Variants in EYA2 observed in about 807,000 individuals in gnomAD.
EYA2 encodes the protein EYA transcriptional coactivator and phosphatase 2.
Under a neutral mutation model 69.2 loss-of-function variants are expected in EYA2, and 31 were observed. The ratio of observed to expected loss-of-function variants is 0.45; its 90% CI spans 0.34 to 0.60. EYA2 has a LOEUF of 0.60. Among genes scored for constraint, EYA2 ranks in the 20% least tolerant of loss-of-function variants. The probability of loss-of-function intolerance (pLI) is 0.02; values close to 1 mark genes in which losing one functional copy is unlikely to be tolerated. For synonymous variants in EYA2, 257 were observed against 279.4 expected (o/e 0.92, Z 0.80); for missense variants, 622 against 701.2 (o/e 0.89, Z 1.28).
chr20:47,125,297 C>T (rs1600726503), intron 9 of EYA2, among the ~76,000 whole-genome samples: 3 of 151,866 alleles, frequency 2.0e-5, no homozygotes, highest in Non-Finnish European at 2.9e-5. Flanking sequence ...CCTCGTGATC[C>T]GCCCGCCTCG....
chr20:46,935,616 C>G (rs1465601285), intron 1 of EYA2, among the ~76,000 whole-genome samples: 5 of 152,056 alleles, frequency 3.3e-5, no homozygotes, highest in African/African-American at 1.2e-4. Context: ...ATGACGTCAC[C>G]TCTCTGTGCC....
In EYA2 at chr20:47,001,943, T is replaced by C. The variant is rs545311908; in HGVS notation, c.155+470T>C. On this transcript the variant is annotated intron_variant, in intron 3 of 15. Coordinates refer to ENST00000327619, the MANE Select transcript of EYA2 (RefSeq NM_005244.5). The stretch of plus-strand genomic sequence containing the variant: ...TTTTCAATCTCCCTTCTATTTTTTT[T>C]TTCTCCGAGACAGAGTCTTGCTCTG... Among the ~76,000 whole-genome samples, 4 of 151,876 alleles carry C rather than the reference T, an allele frequency of 2.6e-5. No homozygotes were observed. In the East Asian group the frequency reaches 7.7e-4, roughly 29 times the overall value.
chr20:47,050,563 T>C (rs1025189625), intron 5 of EYA2, among the ~76,000 whole-genome samples: 1 of 152,158 alleles, frequency 6.6e-6, no homozygotes, highest in Admixed American at 6.5e-5. Flanking sequence ...AAAGCCAAGG[T>C]CCGCAGCTGC....
At chr20:47,153,736 A>G (rs2146617559) in intron 10 of EYA2, among the ~76,000 whole-genome samples, 1 of 152,062 alleles carries the variant, frequency 6.6e-6, no homozygotes, top group Non-Finnish European at 1.5e-5. Context: ...ATGAAGGAGC[A>G]TGGCTGTATC....
intron 5 of EYA2, among the ~76,000 whole-genome samples, chr20:47,062,732 G>A (rs1223176930): frequency 6.6e-6 from 1 of 152,190 alleles, no homozygotes; most frequent in Non-Finnish European, 1.5e-5. Context: ...GCCTTCTGCG[G>A]TGAATCTCAG....
chr20:46,959,112 C>T (rs558798305), intron 1 of EYA2, among the ~76,000 whole-genome samples: 21 of 152,318 alleles, frequency 1.4e-4, no homozygotes, highest in African/African-American at 4.6e-4. Context: ...TTTGAGGAAT[C>T]GCCACACTGT....
At chr20:47,124,355 T>C (rs1436920605) in intron 9 of EYA2, among the ~76,000 whole-genome samples, 1 of 152,222 alleles carries the variant, frequency 6.6e-6, no homozygotes, top group African/African-American at 2.4e-5. Flanking sequence ...GAGTCACTTA[T>C]GTCAAGGGTG....
chr20:47,170,155 A>C (rs983202237), intron 11 of EYA2, among the ~76,000 whole-genome samples: 1 of 150,796 alleles, frequency 6.6e-6, no homozygotes, highest in African/African-American at 2.4e-5. Flanking sequence ...TGATCTACCC[A>C]CCTCAGCCTC....
At chr20:47,046,305 T>C (rs2030035418) in intron 5 of EYA2, among the ~76,000 whole-genome samples, 1 of 152,234 alleles carries the variant, frequency 6.6e-6, no homozygotes, top group Admixed American at 6.5e-5. Context: ...GAATTAGCTT[T>C]CAACATGTGA....
chr20:47,015,446 T>C (rs1191154343), intron 4 of EYA2, among the ~76,000 whole-genome samples: 1 of 151,908 alleles, frequency 6.6e-6, no homozygotes, highest in Non-Finnish European at 1.5e-5. Flanking sequence ...GATTGGAGAG[T>C]GTCTTACAGT....
chr20:47,002,244 AG>A (rs1289360741), intron 3 of EYA2, among the ~76,000 whole-genome samples: 2 of 151,616 alleles, frequency 1.3e-5, no homozygotes, highest in East Asian at 1.9e-4. Context: ...CAGAACATGC[AG>A]GTTTGTTACA....
intron 1 of EYA2, among the ~76,000 whole-genome samples, chr20:46,934,775 A>T (rs923413692): frequency 3.3e-5 from 5 of 152,218 alleles, no homozygotes; most frequent in Admixed American, 6.5e-5. Context: ...AGAGAACAGC[A>T]TGAGCAAAGG....
intron 1 of EYA2, among the ~76,000 whole-genome samples, chr20:46,977,065 TTA>T (rs948911810): frequency 6.6e-6 from 1 of 152,228 alleles, no homozygotes; most frequent in African/African-American, 2.4e-5. Flanking sequence ...TATTTTATTA[TTA>T]GAGTGAAAAA....
intron 9 of EYA2, among the ~76,000 whole-genome samples, chr20:47,108,218 A>G (rs1343113420): frequency 6.6e-6 from 1 of 152,170 alleles, no homozygotes; most frequent in African/African-American, 2.4e-5. Context: ...TGGATCCTGG[A>G]GGTGGATCCC....
chr20:46,894,871 G>GCAGCGGCAACGGCAGAGA lies in EYA2; in HGVS notation c.-122_-105dup, dbSNP rs1184630710. Reference sequence around the variant, plus strand: ...AGCCGCGGCAGCCCAGGAGGCGGAGGCAGCGGCAACGGCAGAGACAGCAAC... The same window carrying GCAGCGGCAACGGCAGAGA: ...AGCCGCGGCAGCCCAGGAGGCGGAGGCAGCGGCAACGGCAGAGACAGCGGCAACGGCAGAGACAGCAAC... On this transcript the variant is annotated 5_prime_UTR_variant, in exon 1 of 16. Coordinates refer to ENST00000327619, the MANE Select transcript of EYA2 (RefSeq NM_005244.5). The GCAGCGGCAACGGCAGAGA allele has an allele frequency of 6.6e-6, 1 of 151,192 alleles. No individual in the cohort carries two copies. Among genetic ancestry groups the GCAGCGGCAACGGCAGAGA allele is most frequent in the Non-Finnish European group, 1.5e-5 (1 of 67,786 alleles). The allele number at this position is 151,192 out of a possible 1,614,324, so 9.4% of individuals were successfully genotyped here.
intron 9 of EYA2, among the ~76,000 whole-genome samples, chr20:47,120,120 A>G (rs960441850): frequency 3.3e-5 from 5 of 152,180 alleles, no homozygotes; most frequent in Non-Finnish European, 7.4e-5. Flanking sequence ...AGGCAGAAGA[A>G]TTGTTTGAAT....
intron 9 of EYA2, among the ~76,000 whole-genome samples, chr20:47,117,827 T>C (rs2032944667): frequency 6.6e-6 from 1 of 152,244 alleles, no homozygotes. Flanking sequence ...CTGTAATTCA[T>C]TTCTGCCGTT....
chr20:47,018,042 A>T (rs550309414), intron 5 of EYA2, among the ~76,000 whole-genome samples: 57 of 152,326 alleles, frequency 3.7e-4, no homozygotes, highest in African/African-American at 1.3e-3. Context: ...TAAACTCCTG[A>T]GACCCATCTC....
intron 5 of EYA2, among the ~76,000 whole-genome samples, chr20:47,021,122 C>G (rs1983719811): frequency 6.6e-6 from 1 of 152,194 alleles, no homozygotes; most frequent in South Asian, 2.1e-4. Flanking sequence ...AACTAACGCT[C>G]TCTAAACGTT....
Sources: allele counts gnomAD v4.1 joint callset (sites outside exome capture counted in the v4.1 genomes callset), GRCh38; gene constraint gnomAD v4.1.1; transcripts MANE v1.5; gene names NCBI Gene and HGNC (gene_info 2026-07-23, HGNC 2026-07-21).